SCAMP2: variants seen among roughly 807,000 people sequenced by gnomAD.
SCAMP2 encodes the protein secretory carrier membrane protein 2, also known as secretory carrier-associated membrane protein 2.
A neutral mutation model predicts 44.1 loss-of-function variants in SCAMP2; 25 were observed. The observed-to-expected ratio is 0.57, with a 90% confidence interval of 0.41 to 0.79. SCAMP2 has a LOEUF of 0.79. Ranked by LOEUF, SCAMP2 falls within the 30% of genes least tolerant of loss-of-function variation. The pLI, the probability that SCAMP2 is intolerant of heterozygous loss-of-function variation, is 0.00. For missense variants in SCAMP2, 355 were observed against 411.0 expected, an observed-to-expected ratio of 0.86 and a Z score of 1.18; for synonymous variants, 156 against 166.0, an observed-to-expected ratio of 0.94 and a Z score of 0.46.
chr15:74,860,741 T>C (rs1198549070), intron 1 of SCAMP2, among the ~76,000 whole-genome samples: 1 of 142,850 alleles, frequency 7.0e-6, no homozygotes, highest in Non-Finnish European at 1.5e-5. Flanking sequence ...TAGTCCCAGC[T>C]ACTTGGGAAG....
intron 1 of SCAMP2, among the ~76,000 whole-genome samples, chr15:74,866,742 C>G (rs2064546432): frequency 6.6e-6 from 1 of 152,076 alleles, no homozygotes; most frequent in Non-Finnish European, 1.5e-5. Context: ...CCTTTGGACA[C>G]TGCCCTGATC....
At chr15:74,852,003 G>A (rs545365909) in intron 4 of SCAMP2, 66 bp downstream of exon 4, 41 of 1,139,610 alleles carry the variant, frequency 3.6e-5, no homozygotes, top group Middle Eastern at 2.3e-4. Context: ...GAGGCCCTCC[G>A]CACAGGTTTC....
intron 7 of SCAMP2, 145 bp from the exon 8 acceptor site, chr15:74,845,738 G>A (rs1166405636): frequency 9.9e-7 from 1 of 1,014,972 alleles, no homozygotes; most frequent in Non-Finnish European, 1.5e-6. Context: ...TGAGCCAGAA[G>A]CCCTTGGCCT....
At chr15:74,852,276 C>A in intron 3 of SCAMP2, 90 bp from the exon 4 acceptor site, 1 of 882,846 alleles carries the variant, frequency 1.1e-6, no homozygotes, top group South Asian at 2.4e-5. Context: ...GGCCTTGCCC[C>A]AGGCAGGGAC....
At chr15:74,853,718 C>T (rs776032927) in intron 3 of SCAMP2, 16 of 475,136 alleles carry the variant, frequency 3.4e-5, no homozygotes, top group South Asian at 6.4e-5. Flanking sequence ...GCCAAAGGCC[C>T]GAGGAGGACC....
intron 1 of SCAMP2, among the ~76,000 whole-genome samples, chr15:74,862,829 A>C (rs962414124): frequency 6.9e-6 from 1 of 145,906 alleles, no homozygotes; most frequent in Admixed American, 7.0e-5. Context: ...CTCAAAAAAA[A>C]AAAAAAAAAC....
intron 5 of SCAMP2, among the ~76,000 whole-genome samples, chr15:74,851,137 C>T (rs779096668): frequency 3.3e-5 from 5 of 152,152 alleles, no homozygotes; most frequent in Non-Finnish European, 7.4e-5. Context: ...TAGTCCCACC[C>T]TCCCTGATCG....
intron 1 of SCAMP2, among the ~76,000 whole-genome samples, chr15:74,868,293 C>G (rs983703770): frequency 6.6e-6 from 1 of 152,182 alleles, no homozygotes; most frequent in African/African-American, 2.4e-5. Context: ...CATAACCACA[C>G]GCAAGGAAGA....
At chr15:74,868,099 A>G (rs2064554406) in intron 1 of SCAMP2, among the ~76,000 whole-genome samples, 1 of 152,228 alleles carries the variant, frequency 6.6e-6, no homozygotes, top group Non-Finnish European at 1.5e-5. Flanking sequence ...CTCAGAGGGT[A>G]CAAAGCAGCT....
intron 1 of SCAMP2, among the ~76,000 whole-genome samples, chr15:74,855,716 CAAAAA>C (rs10609131): frequency 3.6e-5 from 3 of 84,106 alleles, no homozygotes; most frequent in Non-Finnish European, 4.7e-5. Context: ...AACTCCATCT[CAAAAA>C]AAAAAAAAAA....
At chr15:74,861,161 C>A (rs965942251) in intron 1 of SCAMP2, among the ~76,000 whole-genome samples, 1 of 152,026 alleles carries the variant, frequency 6.6e-6, no homozygotes. Context: ...GGCAACAGAG[C>A]GAGACTCAAC....
At chr15:74,850,447 A>T in intron 6 of SCAMP2, 67 bp downstream of exon 6, 1 of 1,434,062 alleles carries the variant, frequency 7.0e-7, no homozygotes, top group Non-Finnish European at 9.8e-7. Context: ...CCCAGGGCCT[A>T]TAGCCCTTAG....
At chr15:74,873,137 C>T in intron 1 of SCAMP2, 62 bp downstream of exon 1, 1 of 1,349,688 alleles carries the variant, frequency 7.4e-7, no homozygotes, top group Non-Finnish European at 9.7e-7. Flanking sequence ...AGCGAGAGGC[C>T]CGGGCGGCGG....
Position 74,844,377 on chromosome 15 carries a change from G to C in SCAMP2, c.*706C>G. On this transcript the variant is annotated 3_prime_UTR_variant, in exon 9 of 9. Coordinates refer to ENST00000268099, the MANE Select transcript of SCAMP2 (RefSeq NM_005697.5). Reference sequence around the variant, plus strand: ...ATTGTACATTCAGAAAGTCTGAAGAGAGTAAGGCTCAGCAAGGGGAGGGCT... The same window carrying C: ...ATTGTACATTCAGAAAGTCTGAAGACAGTAAGGCTCAGCAAGGGGAGGGCT... The C allele has an allele frequency of 6.6e-6, 1 of 152,344 alleles. No individual in the cohort carries two copies. The highest frequency in any genetic ancestry group is 1.9e-4 in the East Asian group (1 of 5,194). The allele number at this position is 152,344 out of a possible 1,614,324, so 9.4% of individuals were successfully genotyped here. A position where few individuals can be genotyped will look rare whatever the true frequency, so the allele number is the denominator to read the frequency against.
intron 7 of SCAMP2, among the ~76,000 whole-genome samples, chr15:74,847,208 C>A (rs2064405402): frequency 6.6e-6 from 1 of 151,520 alleles, no homozygotes; most frequent in African/African-American, 2.4e-5. Flanking sequence ...TCTTCTGCCT[C>A]AGCCTCCCAA....
In SCAMP2 at chr15:74,862,263, C is replaced by CAAAAAAAA. The variant is rs1206712618; in HGVS notation, c.58-7622_58-7615dup. On this transcript the variant is annotated intron_variant, in intron 1 of 8. Coordinates refer to ENST00000268099, the MANE Select transcript of SCAMP2 (RefSeq NM_005697.5). ...GGGTGACAGAGTGAGACTCTGTCTC[C>CAAAAAAAA]AAAAAAAAAAAAAAAAAAAAAAAAA... 4.5e-3 allele frequency among the ~76,000 whole-genome samples: 69 copies of CAAAAAAAA among 15,462 alleles called. 16 individuals are homozygous for CAAAAAAAA. The highest frequency in any genetic ancestry group is 0.028 in the East Asian group (13 of 468). 10.1% of individuals were successfully genotyped at this position (15,462 alleles called of 152,430 possible).
At chr15:74,853,334 T>C (rs924900439) in intron 3 of SCAMP2, 1 of 446,614 alleles carries the variant, frequency 2.2e-6, no homozygotes, top group African/African-American at 2.0e-5. Flanking sequence ...CCGGGTGCCC[T>C]GCCCTTCCTC....
intron 1 of SCAMP2, among the ~76,000 whole-genome samples, chr15:74,867,875 T>C (rs961194843): frequency 6.6e-6 from 1 of 152,260 alleles, no homozygotes; most frequent in Admixed American, 6.5e-5. Context: ...CTCCTTGAGA[T>C]CAATGCTGTC....
At chr15:74,856,264 CTTTTTTTTTTTTTTT>C (rs34812536) in intron 1 of SCAMP2, among the ~76,000 whole-genome samples, 5 of 60,420 alleles carry the variant, frequency 8.3e-5, no homozygotes, top group South Asian at 1.7e-3. Flanking sequence ...AGAGCCAGTT[CTTTTTTTTTTTTTTT>C]TTTTTTTTTT....
Sources: gnomAD v4.1 joint callset for allele counts (sites outside exome capture counted in the v4.1 genomes callset) on GRCh38, gnomAD v4.1.1 for gene constraint, MANE v1.5 for transcripts, NCBI Gene and HGNC (gene_info 2026-07-23, HGNC 2026-07-21) for gene names.